The following GRIK4 variants were observed in gnomAD, a reference collection of about 807,000 sequenced individuals.
GRIK4 encodes the protein glutamate receptor ionotropic, kainate 4.
GRIK4 carries 40 observed loss-of-function variants against 104.9 expected under a neutral mutation model. The ratio of observed to expected loss-of-function variants is 0.38; its 90% CI spans 0.30 to 0.50. The LOEUF is 0.50. Among genes scored for constraint, GRIK4 ranks in the 20% least tolerant of loss-of-function variants. The pLI, the probability that GRIK4 is intolerant of heterozygous loss-of-function variation, is 0.93. For missense variants in GRIK4, 1,047 were observed against 1,308.1 expected (o/e 0.80, Z 3.08); for synonymous variants, 485 against 524.9 (o/e 0.92, Z 1.04).
At chr11:120,746,225 A>G (rs1266371435) in intron 3 of GRIK4, among the ~76,000 whole-genome samples, 1 of 152,194 alleles carries the variant, frequency 6.6e-6, no homozygotes, top group Non-Finnish European at 1.5e-5. Flanking sequence ...CACAGTGCTC[A>G]GAGCCCTGGG....
intron 11 of GRIK4, among the ~76,000 whole-genome samples, chr11:120,897,593 C>T (rs550022029): frequency 3.3e-4 from 2 of 6,138 alleles, no homozygotes; most frequent in African/African-American, 3.0e-4. Context: ...CAGAACAAGA[C>T]TCCTTCTCAA....
At chr11:120,924,835 C>T (rs1026392437) in intron 13 of GRIK4, among the ~76,000 whole-genome samples, 1 of 152,204 alleles carries the variant, frequency 6.6e-6, no homozygotes, top group African/African-American at 2.4e-5. Flanking sequence ...CCTTTATCAC[C>T]CAGGAAGAGT....
In GRIK4 at chr11:120,555,877, T is replaced by C. The variant is rs1948181061; in HGVS notation, c.-159+43990T>C. ...GTCTTGGGAGCAACAGAAAATGCCT[T>C]GTCTTGGATGTGACAACTGGGGCAA... On this transcript the variant is annotated intron_variant, in intron 1 of 20. Coordinates refer to ENST00000527524, the MANE Select transcript of GRIK4 (RefSeq NM_014619.5). This position sits in a 1 kb window ranked among gnomAD's most constrained non-coding sequence, Gnocchi z 5.3. Among the ~76,000 whole-genome samples the C allele has an allele frequency of 6.6e-6, 1 of 152,066 alleles. No homozygotes were observed. The highest frequency in any genetic ancestry group is 6.5e-5 in the Admixed American group (1 of 15,270).
intron 3 of GRIK4, among the ~76,000 whole-genome samples, chr11:120,777,881 G>T (rs1798312263): frequency 6.6e-6 from 1 of 150,470 alleles, no homozygotes; most frequent in Admixed American, 6.7e-5. Flanking sequence ...AGGTTGCAAT[G>T]AGTTGAGGTA....
intron 1 of GRIK4, among the ~76,000 whole-genome samples, chr11:120,591,243 T>C (rs1948728912): frequency 1.3e-5 from 2 of 151,672 alleles, no homozygotes; most frequent in South Asian, 4.2e-4. Flanking sequence ...TGGGCATGGC[T>C]GTGCACCTGG....
At position 120,987,391 on chromosome 11, in the gene GRIK4, C is replaced by T. The variant is rs369728740; in HGVS notation, c.*1131C>T. On this transcript the variant is annotated 3_prime_UTR_variant, in exon 21 of 21. Coordinates refer to ENST00000527524, the MANE Select transcript of GRIK4 (RefSeq NM_014619.5). ...TGCCTATGAAGCCAGACCCCCAAGA[C>T]TATCATGGATTGGGTGGTTTCTTGC... is the stretch of plus-strand genomic sequence containing the variant. The T allele has an allele frequency of 2.0e-5, 3 of 152,434 alleles. No individual in the cohort carries two copies. Among genetic ancestry groups the T allele is most frequent in the African/African-American group, 7.2e-5 (3 of 41,582 alleles). 9.4% of individuals were successfully genotyped at this position (152,434 alleles called of 1,614,324 possible).
intron 11 of GRIK4, among the ~76,000 whole-genome samples, chr11:120,895,265 C>T (rs1272347333): frequency 6.6e-6 from 1 of 152,132 alleles, no homozygotes; most frequent in Non-Finnish European, 1.5e-5. Flanking sequence ...TGAGGTCTTA[C>T]TGGCTCTGTT....
chr11:120,596,609 A>G (rs1948804639), intron 1 of GRIK4, among the ~76,000 whole-genome samples: 1 of 152,194 alleles, frequency 6.6e-6, no homozygotes, highest in African/African-American at 2.4e-5. Context: ...TCTATGCCTA[A>G]GCCTCTGTCT....
intron 1 of GRIK4, among the ~76,000 whole-genome samples, chr11:120,622,998 C>T (rs907389146): frequency 1.3e-5 from 2 of 152,202 alleles, no homozygotes; most frequent in African/African-American, 4.8e-5. Flanking sequence ...TGTGGGTCGC[C>T]TTTTAACCCA....
At chr11:120,725,560 G>A (rs1951014774) in intron 3 of GRIK4, among the ~76,000 whole-genome samples, 1 of 152,118 alleles carries the variant, frequency 6.6e-6, no homozygotes, top group East Asian at 1.9e-4. Flanking sequence ...AACTAGGGAG[G>A]GGCAAGGAAG....
chr11:120,871,835 C>T (rs1490313545), intron 9 of GRIK4: 1 of 456,210 alleles, frequency 2.2e-6, no homozygotes, highest in Non-Finnish European at 4.4e-6. Context: ...AAAGCATACA[C>T]CAGCCAGGTA....
intron 3 of GRIK4, among the ~76,000 whole-genome samples, chr11:120,762,953 G>T (rs547374920): frequency 2.6e-5 from 4 of 152,146 alleles, no homozygotes; most frequent in Admixed American, 2.6e-4. Flanking sequence ...ATGATGCTGG[G>T]CTCATAAAAT....
chr11:120,842,618 A>G (rs898605704), intron 8 of GRIK4, among the ~76,000 whole-genome samples: 13 of 152,248 alleles, frequency 8.5e-5, no homozygotes, highest in African/African-American at 2.2e-4. Context: ...CTAAAAGTGG[A>G]AATCAGCACT....
intron 13 of GRIK4, among the ~76,000 whole-genome samples, chr11:120,932,174 T>G (rs75664003): frequency 7.2e-6 from 1 of 137,958 alleles, no homozygotes; most frequent in African/African-American, 2.7e-5. Context: ...TTTTTTTTTT[T>G]TGGCAATCTG....
At chr11:120,817,366 C>T (rs951115450) in intron 5 of GRIK4, among the ~76,000 whole-genome samples, 3 of 152,214 alleles carry the variant, frequency 2.0e-5, no homozygotes, top group African/African-American at 7.2e-5. Flanking sequence ...CTGGGAGTGG[C>T]CAGACGCTTA....
rs114689241 is a variant in GRIK4, at chr11:120,522,064, G to A, written c.-159+10177G>A. Among the ~76,000 whole-genome samples, 476 of 152,286 alleles carry A rather than the reference G, an allele frequency of 3.1e-3. 2 individuals are homozygous for A. Among genetic ancestry groups the A allele is most frequent in the African/African-American group, 0.011 (456 of 41,546 alleles). On this transcript the variant is annotated intron_variant, in intron 1 of 20. Coordinates refer to ENST00000527524, the MANE Select transcript of GRIK4 (RefSeq NM_014619.5). Reference sequence around the variant, plus strand: ...ACATGAGGAAATACATAACCACAGAGGTTATGTAGCTTGCCCAAGATGACA... The same window carrying A: ...ACATGAGGAAATACATAACCACAGAAGTTATGTAGCTTGCCCAAGATGACA...
chr11:120,625,744 G>T (rs567679260), intron 1 of GRIK4, among the ~76,000 whole-genome samples: 1 of 151,944 alleles, frequency 6.6e-6, no homozygotes, highest in Non-Finnish European at 1.5e-5. Context: ...CACGTGTTTG[G>T]GGGGAGGGTG....
At chr11:120,954,623 T>C (rs11218081) in intron 15 of GRIK4, among the ~76,000 whole-genome samples, 21,559 of 152,028 alleles carry the variant, frequency 0.14, 2,006 homozygotes, top group East Asian at 0.33. Context: ...TGCTTCAGCA[T>C]ACCCACAGCA....
At chr11:120,755,012 A>G (rs547635185) in intron 3 of GRIK4, among the ~76,000 whole-genome samples, 62 of 152,348 alleles carry the variant, frequency 4.1e-4, no homozygotes, top group African/African-American at 1.2e-3. Flanking sequence ...GAAGGAACAC[A>G]TCTGAATCCG....
Sources: allele counts gnomAD v4.1 joint callset (sites outside exome capture counted in the v4.1 genomes callset), GRCh38; gene constraint gnomAD v4.1.1; non-coding constraint Gnocchi (gnomAD v3.1); transcripts MANE v1.5; gene names NCBI Gene and HGNC (gene_info 2026-07-23, HGNC 2026-07-21).